Variants in VWA8 observed in about 807,000 individuals in gnomAD.
The protein encoded by VWA8 is von Willebrand factor A domain-containing protein 8.
A neutral mutation model predicts 241.5 loss-of-function variants in VWA8; 221 were observed. That is an observed-to-expected ratio of 0.91 (90% CI 0.82 to 1.02). The LOEUF (loss-of-function observed/expected upper bound fraction) is 1.02, where lower values mean the gene tolerates loss of function less well. Among genes scored for constraint, VWA8 ranks in the 50% least tolerant of loss-of-function variants. The pLI is 0.00. For synonymous variants in VWA8, 852 were observed against 827.1 expected (o/e 1.03, Z -0.52); for missense variants, 2,322 against 2,328.7 (o/e 1.00, Z 0.06).
intron 20 of VWA8, among the ~76,000 whole-genome samples, chr13:41,776,907 T>G (rs1481429768): frequency 1.3e-5 from 2 of 152,134 alleles, no homozygotes; most frequent in Admixed American, 1.3e-4. Context: ...ATGATAAGTT[T>G]GAGAGGCTAA....
Position 41,710,018 on chromosome 13 carries a change from G to A in VWA8, c.3117-6607C>T, listed in dbSNP as rs138882252. On this transcript the variant is annotated intron_variant, in intron 26 of 44. Transcript: ENST00000379310. ...CTTCAAAGGCAGATAATGAGTCTTC[G>A]TCACCTTTATAATTCATACTCCCTA... Among the ~76,000 whole-genome samples the A allele has an allele frequency of 1.7e-3, 265 of 152,012 alleles. 2 individuals carry two copies. The highest frequency in any genetic ancestry group is 6.0e-3 in the African/African-American group (248 of 41,454).
chr13:41,944,457 C>T (rs938667462), intron 2 of VWA8, among the ~76,000 whole-genome samples: 6 of 152,066 alleles, frequency 3.9e-5, no homozygotes, highest in African/African-American at 1.4e-4. Flanking sequence ...GCAGCCTCAA[C>T]CACAATAAAA....
intron 12 of VWA8, among the ~76,000 whole-genome samples, chr13:41,861,886 G>C (rs1470232191): frequency 6.6e-6 from 1 of 152,138 alleles, no homozygotes; most frequent in Admixed American, 6.6e-5. Context: ...GCAATTTACA[G>C]ATTAAATGCT....
intron 5 of VWA8, 40 bp downstream of exon 5, chr13:41,891,380 T>C (rs770997431): frequency 5.0e-6 from 8 of 1,612,130 alleles, no homozygotes; most frequent in Non-Finnish European, 6.8e-6. Context: ...TGCCCATAGC[T>C]TGACAGCAAA....
intron 24 of VWA8, among the ~76,000 whole-genome samples, chr13:41,723,702 CA>C (rs1197401233): frequency 6.6e-6 from 1 of 151,892 alleles, no homozygotes; most frequent in Non-Finnish European, 1.5e-5. Flanking sequence ...CAGAGATTTA[CA>C]AAAGACTATA....
In VWA8 at chr13:41,768,138, C is replaced by G. The variant is rs549881456; in HGVS notation, c.2350-6934G>C. Among the ~76,000 whole-genome samples, 7 of 152,326 alleles carry G rather than the reference C, an allele frequency of 4.6e-5. No individual in the cohort carries two copies. In the East Asian group the frequency reaches 1.3e-3, roughly 29 times the overall value. On this transcript the variant is annotated intron_variant, in intron 20 of 44. Transcript: ENST00000379310. Reference sequence around the variant, plus strand: ...AAGTATTTCATAGCCTTGGGATCCCCAGGCTGCTGGAGCTATTAGACACTA... The same window carrying G: ...AAGTATTTCATAGCCTTGGGATCCCGAGGCTGCTGGAGCTATTAGACACTA...
At chr13:41,780,750 C>T (rs1266296471) in intron 19 of VWA8, among the ~76,000 whole-genome samples, 1 of 152,174 alleles carries the variant, frequency 6.6e-6, no homozygotes, top group Non-Finnish European at 1.5e-5. Context: ...ACTCCTAATA[C>T]TTTAGGAACA....
At chr13:41,908,257 G>C (rs1013991771) in intron 3 of VWA8, among the ~76,000 whole-genome samples, 2 of 152,200 alleles carry the variant, frequency 1.3e-5, no homozygotes, top group African/African-American at 4.8e-5. Context: ...CTTGAGGTCA[G>C]AAGTTCGAGA....
At chr13:41,676,257 G>A (rs2045059606) in intron 35 of VWA8, among the ~76,000 whole-genome samples, 1 of 152,102 alleles carries the variant, frequency 6.6e-6, no homozygotes, top group Non-Finnish European at 1.5e-5. Flanking sequence ...ACCTGGTAAA[G>A]CATTATTTTG....
intron 37 of VWA8, among the ~76,000 whole-genome samples, chr13:41,617,991 C>T (rs937650896): frequency 3.3e-5 from 5 of 152,024 alleles, no homozygotes; most frequent in Admixed American, 3.3e-4. Flanking sequence ...GGGTATATAC[C>T]CAGTAATGGG....
chr13:41,825,936 C>T (rs1871153907), intron 14 of VWA8, among the ~76,000 whole-genome samples: 1 of 152,188 alleles, frequency 6.6e-6, no homozygotes, highest in African/African-American at 2.4e-5. Flanking sequence ...GTAATTTCCT[C>T]ATTCAGTACA....
chr13:41,784,966 T>C (rs1456002593), intron 18 of VWA8, among the ~76,000 whole-genome samples: 2 of 151,454 alleles, frequency 1.3e-5, no homozygotes, highest in East Asian at 3.9e-4. Flanking sequence ...CTAGAATACA[T>C]TATTAGTTCC....
chr13:41,733,480 G>C (rs193061690), intron 21 of VWA8, among the ~76,000 whole-genome samples: 227 of 152,204 alleles, frequency 1.5e-3, no homozygotes, highest in African/African-American at 5.2e-3. Flanking sequence ...AGTGTATAAC[G>C]CCGTATCTGG....
At chr13:41,643,777 G>C (rs1026192426) in intron 37 of VWA8, among the ~76,000 whole-genome samples, 4 of 151,972 alleles carry the variant, frequency 2.6e-5, no homozygotes, top group African/African-American at 9.7e-5. Context: ...AAAGAAGGTA[G>C]CCAAAAGAAA....
At chr13:41,905,800 TACCCTGTAGAGGTAA>T (rs1875684207) in intron 4 of VWA8, among the ~76,000 whole-genome samples, 2 of 152,112 alleles carry the variant, frequency 1.3e-5, no homozygotes, top group South Asian at 4.1e-4. Context: ...GGAGTGCTCT[TACCCTGTAGAGGTAA>T]ACCCTCATTG....
At chr13:41,866,516 C>G (rs758049267) in intron 10 of VWA8, among the ~76,000 whole-genome samples, 1 of 151,818 alleles carries the variant, frequency 6.6e-6, no homozygotes, top group African/African-American at 2.4e-5. Context: ...CAATTTAATT[C>G]TTTACTGTTT....
In VWA8 at chr13:41,830,509, A is replaced by C. The variant is rs1871400227; in HGVS notation, c.1700+20T>G. 2 of 1,568,212 alleles carry C rather than the reference A, an allele frequency of 1.3e-6. No homozygotes were observed. Among genetic ancestry groups the C allele is most frequent in the Non-Finnish European group, 1.8e-6 (2 of 1,139,690 alleles). On this transcript the variant is annotated intron_variant, in intron 14 of 44. Coordinates refer to ENST00000379310, the MANE Select transcript of VWA8 (RefSeq NM_015058.2). ...AACTTAACAATAAATTAGCAATGGG[A>C]GTAATGGACCCCAAATTACCTCTTC...
intron 21 of VWA8, among the ~76,000 whole-genome samples, chr13:41,751,038 G>A (rs190184860): frequency 6.4e-4 from 98 of 152,194 alleles, no homozygotes; most frequent in African/African-American, 2.2e-3. Flanking sequence ...GACAGTAATG[G>A]TATTGATCTC....
intron 37 of VWA8, among the ~76,000 whole-genome samples, chr13:41,661,010 C>T (rs145130684): frequency 3.3e-5 from 5 of 151,974 alleles, no homozygotes; most frequent in East Asian, 3.9e-4. Context: ...GGACTACAGG[C>T]GCATGCCACC....
Sources: gnomAD v4.1 joint callset for allele counts (sites outside exome capture counted in the v4.1 genomes callset) on GRCh38, gnomAD v4.1.1 for gene constraint, MANE v1.5 for transcripts, NCBI Gene and HGNC (gene_info 2026-07-23, HGNC 2026-07-21) for gene names.